The following PDE1A variants were observed in gnomAD, a reference collection of about 807,000 sequenced individuals.
The protein encoded by PDE1A is dual specificity calcium/calmodulin-dependent 3',5'-cyclic nucleotide phosphodiesterase 1A.
Under a neutral mutation model 61.7 loss-of-function variants are expected in PDE1A, and 35 were observed. That is an observed-to-expected ratio of 0.57 (90% CI 0.43 to 0.75). PDE1A has a LOEUF of 0.75. PDE1A is among the 30% of genes least tolerant of loss of function. The probability of loss-of-function intolerance (pLI) is 0.00; values close to 1 mark genes in which losing one functional copy is unlikely to be tolerated. For synonymous variants in PDE1A, 232 were observed against 213.2 expected, an observed-to-expected ratio of 1.09 and a Z score of -0.77; for missense variants, 597 against 630.6, an observed-to-expected ratio of 0.95 and a Z score of 0.57.
intron 1 of PDE1A, among the ~76,000 whole-genome samples, chr2:182,402,207 G>A (rs370404193): frequency 2.0e-5 from 3 of 152,090 alleles, no homozygotes; most frequent in East Asian, 1.9e-4. Context: ...AAAACAGCCC[G>A]CATAGCAAAG....
At chr2:182,287,304 C>A (rs897736516) in intron 1 of PDE1A, among the ~76,000 whole-genome samples, 1 of 152,124 alleles carries the variant, frequency 6.6e-6, no homozygotes, top group Non-Finnish European at 1.5e-5. Context: ...AAAATAATCA[C>A]CCAGTCACTT....
intron 1 of PDE1A, among the ~76,000 whole-genome samples, chr2:182,318,780 AT>A (rs1435261752): frequency 6.6e-6 from 1 of 152,142 alleles, no homozygotes; most frequent in African/African-American, 2.4e-5. Flanking sequence ...AGTGGTCCTA[AT>A]TTTCACTAGA....
the PDE1A span, among the ~76,000 whole-genome samples, chr2:182,714,486 G>A: frequency 2.6e-5 from 4 of 152,020 alleles, no homozygotes; most frequent in Admixed American, 2.0e-4. Flanking sequence ...TCATTCAGTG[G>A]GTAGTATTCA....
Position 182,319,358 on chromosome 2 carries a change from T to A in PDE1A, c.54-54944A>T, listed in dbSNP as rs533974087. On this transcript the variant is annotated intron_variant, in intron 1 of 13. Transcript: ENST00000351439. ...ACAAAAGAGATTTTTAAATTTTTTT[T>A]AAAATCTAAATCCCTGTTTAACCTT... 8.5e-5 allele frequency among the ~76,000 whole-genome samples: 13 copies of A among 152,318 alleles called. 1 individual carries two copies. The South Asian group carries it at 1.2e-3, about 15-fold the overall frequency.
chr2:182,241,584 G>C (rs1042909925), intron 2 of PDE1A, among the ~76,000 whole-genome samples: 1 of 152,194 alleles, frequency 6.6e-6, no homozygotes, highest in Non-Finnish European at 1.5e-5. Context: ...AACTCTTCAT[G>C]TTCCTTTAAA....
At chr2:182,576,433 T>G in the PDE1A span, among the ~76,000 whole-genome samples, 1 of 152,238 alleles carries the variant, frequency 6.6e-6, no homozygotes, top group African/African-American at 2.4e-5. Flanking sequence ...CCTTTGTATG[T>G]ATAGGCCACA....
At chr2:182,616,739 T>A in the PDE1A span, among the ~76,000 whole-genome samples, 1 of 152,224 alleles carries the variant, frequency 6.6e-6, no homozygotes, top group African/African-American at 2.4e-5. Context: ...ATTAGAATTA[T>A]CTGCAGATCT....
chr2:182,461,525 C>T (rs1382227511), intron 2 of PDE1A, among the ~76,000 whole-genome samples: 1 of 152,030 alleles, frequency 6.6e-6, no homozygotes, highest in Non-Finnish European at 1.5e-5. Flanking sequence ...CAAAATATCC[C>T]ATCATTATTA....
At chr2:182,662,408 T>C in the PDE1A span, among the ~76,000 whole-genome samples, 1 of 150,554 alleles carries the variant, frequency 6.6e-6, no homozygotes, top group East Asian at 1.9e-4. Context: ...GGAACAAAGC[T>C]GGAGGCATCA....
At chr2:182,635,483 GTTTTT>G in the PDE1A span, among the ~76,000 whole-genome samples, 1 of 151,682 alleles carries the variant, frequency 6.6e-6, no homozygotes, top group Non-Finnish European at 1.5e-5. Context: ...TTCCTTGTTT[GTTTTT>G]ATCAAATGAA....
At chr2:182,370,248 A>C (rs1700057651) in intron 1 of PDE1A, among the ~76,000 whole-genome samples, 1 of 152,208 alleles carries the variant, frequency 6.6e-6, no homozygotes, top group African/African-American at 2.4e-5. Context: ...AGATAAGAAA[A>C]AAGGAAGAAA....
At chr2:182,591,481 A>C in the PDE1A span, among the ~76,000 whole-genome samples, 2 of 152,196 alleles carry the variant, frequency 1.3e-5, no homozygotes, top group African/African-American at 4.8e-5. Context: ...ATGGCTACAC[A>C]TGGGACCAAA....
At chr2:182,451,538 G>A (rs921727868) in intron 2 of PDE1A, among the ~76,000 whole-genome samples, 1 of 152,030 alleles carries the variant, frequency 6.6e-6, no homozygotes, top group African/African-American at 2.4e-5. Flanking sequence ...AACTGTGTAA[G>A]TAGCTCTTTA....
intron 13 of PDE1A, among the ~76,000 whole-genome samples, chr2:182,172,194 C>A (rs1417385206): frequency 5.3e-5 from 8 of 151,940 alleles, no homozygotes; most frequent in Non-Finnish European, 7.4e-5. Flanking sequence ...TGTGGACTCA[C>A]CATTAATATC....
intron 2 of PDE1A, among the ~76,000 whole-genome samples, chr2:182,479,286 T>C (rs1687560807): frequency 6.6e-6 from 1 of 151,904 alleles, no homozygotes; most frequent in Non-Finnish European, 1.5e-5. Context: ...AATATGCCTG[T>C]CATTACATTT....
intron 1 of PDE1A, among the ~76,000 whole-genome samples, chr2:182,402,344 A>G (rs542746423): frequency 1.1e-4 from 17 of 152,352 alleles, no homozygotes; most frequent in Non-Finnish European, 2.4e-4. Context: ...CCAATGGAAC[A>G]GAACAGAGGC....
the PDE1A span, among the ~76,000 whole-genome samples, chr2:182,559,796 A>G: frequency 6.6e-6 from 1 of 152,214 alleles, no homozygotes; most frequent in East Asian, 1.9e-4. Context: ...TACAGCCATC[A>G]GAATTAATCA....
chr2:182,601,366 C>T, the PDE1A span, among the ~76,000 whole-genome samples: 15 of 152,340 alleles, frequency 9.8e-5, no homozygotes, highest in African/African-American at 2.9e-4. Flanking sequence ...TTCAGCAGCA[C>T]GCAGAAGCTC....
Position 182,341,931 on chromosome 2 carries a change from T to A in PDE1A, c.54-77517A>T, listed in dbSNP as rs862914. On this transcript the variant is annotated intron_variant, in intron 1 of 13. Coordinates refer to ENST00000351439, the Ensembl canonical transcript of PDE1A. Reference sequence around the variant, plus strand: ...CGCCACCACACCCAGCTACTTTTTTTAAAAAAGTGTTATTTATTGTAGAGA... The same window carrying A: ...CGCCACCACACCCAGCTACTTTTTTAAAAAAAGTGTTATTTATTGTAGAGA... Among the ~76,000 whole-genome samples the A allele has an allele frequency of 4.5e-3, 681 of 152,136 alleles. 4 individuals are homozygous for A. The highest frequency in any genetic ancestry group is 0.015 in the African/African-American group (618 of 41,522).
Sources: gnomAD v4.1 joint callset for allele counts (sites outside exome capture counted in the v4.1 genomes callset) on GRCh38, gnomAD v4.1.1 for gene constraint, MANE v1.5 for transcripts, NCBI Gene and HGNC (gene_info 2026-07-23, HGNC 2026-07-21) for gene names.